The following SEMA5A variants were observed in gnomAD, a reference collection of about 807,000 sequenced individuals.
SEMA5A encodes the protein semaphorin 5A.
A neutral mutation model predicts 135.5 loss-of-function variants in SEMA5A; 55 were observed. The ratio of observed to expected loss-of-function variants is 0.41; its 90% CI spans 0.33 to 0.51. The LOEUF is 0.51. SEMA5A is among the 20% of genes least tolerant of loss of function. SEMA5A has a pLI of 0.37. For synonymous variants in SEMA5A, 580 were observed against 546.5 expected (o/e 1.06, Z -0.85); for missense variants, 1,290 against 1,419.9 (o/e 0.91, Z 1.47).
At chr5:9,380,341 A>G (rs959657598) in intron 2 of SEMA5A, 1 of 166,592 alleles carries the variant, frequency 6.0e-6, no homozygotes, top group Non-Finnish European at 1.3e-5. Context: ...ATGCAGATTA[A>G]TAGTTGGGAT....
chr5:9,381,628 T>G (rs1170948936), intron 2 of SEMA5A, among the ~76,000 whole-genome samples: 1 of 152,140 alleles, frequency 6.6e-6, no homozygotes, highest in Non-Finnish European at 1.5e-5. Flanking sequence ...CACATTTAGG[T>G]GCTATAGTTG....
At chr5:9,524,130 T>C (rs906134843) in intron 1 of SEMA5A, among the ~76,000 whole-genome samples, 4 of 152,090 alleles carry the variant, frequency 2.6e-5, no homozygotes, top group African/African-American at 9.7e-5. Context: ...TGTTGAAAAG[T>C]ATAGTTCTTC....
chr5:9,183,578 G>C (rs1744643966), intron 11 of SEMA5A, among the ~76,000 whole-genome samples: 1 of 152,210 alleles, frequency 6.6e-6, no homozygotes. Context: ...AAATGGCCAA[G>C]GGTTCAGGGT....
intron 5 of SEMA5A, among the ~76,000 whole-genome samples, chr5:9,308,097 C>T (rs1185252221): frequency 6.6e-6 from 1 of 152,158 alleles, no homozygotes; most frequent in Non-Finnish European, 1.5e-5. Flanking sequence ...TCTGTTCGGT[C>T]AGAGTCAGGA....
intron 5 of SEMA5A, among the ~76,000 whole-genome samples, chr5:9,316,602 G>C (rs996640147): frequency 2.6e-5 from 4 of 151,818 alleles, no homozygotes; most frequent in African/African-American, 4.8e-5. Context: ...TTTTAGAAAA[G>C]GTTATCTAAA....
rs542507032 is a variant in SEMA5A, at chr5:9,463,857, C to T, written c.-174-26005G>A. ...GCTCTGTTGAAAAAGTACTCCACACCCCCCTGAAGGTGTTTTCACTGTGTC... is the reference window on the plus strand; with the variant it reads ...GCTCTGTTGAAAAAGTACTCCACACTCCCCTGAAGGTGTTTTCACTGTGTC... On this transcript the variant is annotated intron_variant, in intron 1 of 22. Coordinates refer to ENST00000382496, the MANE Select transcript of SEMA5A (RefSeq NM_003966.3). Among the ~76,000 whole-genome samples, 22 of 152,312 alleles carry T rather than the reference C, an allele frequency of 1.4e-4. 1 individual carries two copies. The South Asian group carries it at 4.6e-3, about 32-fold the overall frequency.
At chr5:9,259,762 T>C (rs1749300430) in intron 5 of SEMA5A, among the ~76,000 whole-genome samples, 1 of 99,476 alleles carries the variant, frequency 1.0e-5, no homozygotes, top group Admixed American at 1.2e-4. Context: ...GGGAAATTTA[T>C]AGCACTAAAT....
At chr5:9,249,192 T>C (rs564374479) in intron 5 of SEMA5A, among the ~76,000 whole-genome samples, 6 of 152,308 alleles carry the variant, frequency 3.9e-5, no homozygotes, top group Middle Eastern at 3.4e-3. Context: ...GGAGAAGCTC[T>C]GAAAACAGAG....
rs1192697236 is a variant in SEMA5A, at chr5:9,455,357, G to C, written c.-174-17505C>G. Among the ~76,000 whole-genome samples the C allele has an allele frequency of 2.0e-5, 3 of 151,602 alleles. No individual in the cohort carries two copies. The East Asian group carries it at 5.8e-4, about 29-fold the overall frequency. On this transcript the variant is annotated intron_variant, in intron 1 of 22. Transcript: ENST00000382496. The stretch of plus-strand genomic sequence containing the variant: ...TGTAATCTCCGCCTCCCAGGTTCAC[G>C]CCATTCTCCTGCCCCAGCCTCCCGA...
At chr5:9,482,927 C>T (rs142976908) in intron 1 of SEMA5A, among the ~76,000 whole-genome samples, 1 of 152,180 alleles carries the variant, frequency 6.6e-6, no homozygotes, top group Non-Finnish European at 1.5e-5. Flanking sequence ...CCCAATTCTG[C>T]TCTGTGAAAT....
Position 9,500,053 on chromosome 5 carries a change from A to G in SEMA5A, c.-175+45531T>C, listed in dbSNP as rs149962421. On this transcript the variant is annotated intron_variant, in intron 1 of 22. Coordinates refer to ENST00000382496, the MANE Select transcript of SEMA5A (RefSeq NM_003966.3). ...GTATCCATCTGTTACTCATATTTTA[A>G]TATCTTCTATATCACCCTACAGCGC... Among the ~76,000 whole-genome samples the G allele has an allele frequency of 4.2e-3, 643 of 152,334 alleles. 2 individuals carry two copies. The highest frequency in any genetic ancestry group is 0.014 in the African/African-American group (597 of 41,582).
chr5:9,415,128 G>T (rs1379704734), intron 2 of SEMA5A, among the ~76,000 whole-genome samples: 1 of 152,172 alleles, frequency 6.6e-6, no homozygotes, highest in Non-Finnish European at 1.5e-5. Context: ...TAATCAAAAA[G>T]TTGCATTTTT....
chr5:9,384,501 AATTGCCCCTGGTTGAGAACCTCTGCT>A (rs1417740179), intron 2 of SEMA5A, among the ~76,000 whole-genome samples: 3 of 151,314 alleles, frequency 2.0e-5, no homozygotes, highest in Admixed American at 2.0e-4. Context: ...GACAATGTCA[AATTGCCCCTGGTTGAGAACCTCTGCT>A]ATAGATAGAT....
chr5:9,244,520 C>A lies in SEMA5A; in HGVS notation c.271-6630G>T, dbSNP rs1748382380. Among the ~76,000 whole-genome samples, 5 of 152,172 alleles carry A rather than the reference C, an allele frequency of 3.3e-5. No individual in the cohort carries two copies. The South Asian group carries it at 1.0e-3, about 32-fold the overall frequency. The stretch of plus-strand genomic sequence containing the variant: ...GTTCAAGTGTGAGCTCCTCGCTGGA[C>A]CCTATGTAGCCATATATGTATATGT... On this transcript the variant is annotated intron_variant, in intron 5 of 22. Coordinates refer to ENST00000382496, the MANE Select transcript of SEMA5A (RefSeq NM_003966.3).
intron 18 of SEMA5A, among the ~76,000 whole-genome samples, chr5:9,058,871 AG>A (rs1368346900): frequency 6.6e-6 from 1 of 152,192 alleles, no homozygotes; most frequent in African/African-American, 2.4e-5. Flanking sequence ...ATCTCTAAGC[AG>A]AAATTTCCTA....
intron 11 of SEMA5A, among the ~76,000 whole-genome samples, chr5:9,179,588 C>A (rs1744391843): frequency 6.6e-6 from 1 of 152,182 alleles, no homozygotes; most frequent in Non-Finnish European, 1.5e-5. Context: ...TGTTTAAAAG[C>A]TAAACACATT....
At chr5:9,272,403 G>T (rs1490696448) in intron 5 of SEMA5A, among the ~76,000 whole-genome samples, 2 of 152,184 alleles carry the variant, frequency 1.3e-5, no homozygotes, top group Admixed American at 1.3e-4. Context: ...CTGGGACAGA[G>T]CACCTGGGGG....
chr5:9,179,975 A>G (rs1744412208), intron 11 of SEMA5A, among the ~76,000 whole-genome samples: 1 of 152,170 alleles, frequency 6.6e-6, no homozygotes. Context: ...ATACTTTCTT[A>G]AGAATCTGGG....
intron 3 of SEMA5A, among the ~76,000 whole-genome samples, chr5:9,367,700 G>A (rs1754975172): frequency 6.6e-6 from 1 of 152,152 alleles, no homozygotes; most frequent in African/African-American, 2.4e-5. Context: ...AAAACAGTCT[G>A]ATATAGTCTG....
Sources: allele counts gnomAD v4.1 joint callset (sites outside exome capture counted in the v4.1 genomes callset), GRCh38; gene constraint gnomAD v4.1.1; transcripts MANE v1.5; gene names NCBI Gene and HGNC (gene_info 2026-07-23, HGNC 2026-07-21).